ANKS1B: variants seen among roughly 807,000 people sequenced by gnomAD.
The protein encoded by ANKS1B is ankyrin repeat and sterile alpha motif domain-containing protein 1B.
A neutral mutation model predicts 148.3 loss-of-function variants in ANKS1B; 36 were observed. The observed-to-expected ratio is 0.24, with a 90% CI of 0.19 to 0.32. The LOEUF (loss-of-function observed/expected upper bound fraction) is 0.32. Among genes scored for constraint, ANKS1B ranks in the 10% least tolerant of loss-of-function variants. The pLI is 1.00. For synonymous variants in ANKS1B, 542 were observed against 560.8 expected (o/e 0.97, Z 0.47); for missense variants, 1,157 against 1,542.6 (o/e 0.75, Z 4.19).
chr12:99,631,913 C>T (rs958904913), intron 9 of ANKS1B, among the ~76,000 whole-genome samples: 1 of 152,066 alleles, frequency 6.6e-6, no homozygotes, highest in Non-Finnish European at 1.5e-5. Flanking sequence ...GCCCAGTGAC[C>T]ACTTGCAAAA....
intron 15 of ANKS1B, among the ~76,000 whole-genome samples, chr12:99,094,300 G>C (rs2055148015): frequency 6.6e-6 from 1 of 152,186 alleles, no homozygotes. Flanking sequence ...TACTGTATTA[G>C]TAGGGACTAT....
At chr12:98,747,670 A>G (rs1223808472) in intron 26 of ANKS1B, among the ~76,000 whole-genome samples, 1 of 152,266 alleles carries the variant, frequency 6.6e-6, no homozygotes, top group Non-Finnish European at 1.5e-5. Flanking sequence ...TTTATTGCAG[A>G]ATTATTCACA....
chr12:98,872,994 G>A (rs978777244), intron 17 of ANKS1B, among the ~76,000 whole-genome samples: 1 of 152,156 alleles, frequency 6.6e-6, no homozygotes, highest in East Asian at 1.9e-4. Flanking sequence ...GAGGATTTAG[G>A]ATAAGCTGAG....
At chr12:99,213,676 C>G (rs1293017914) in intron 14 of ANKS1B, among the ~76,000 whole-genome samples, 3 of 152,110 alleles carry the variant, frequency 2.0e-5, no homozygotes, top group African/African-American at 7.2e-5. Flanking sequence ...GTTAATGAAT[C>G]AAATAGAAAT....
At chr12:99,051,537 A>T (rs1195689277) in intron 17 of ANKS1B, among the ~76,000 whole-genome samples, 1 of 152,224 alleles carries the variant, frequency 6.6e-6, no homozygotes, top group East Asian at 1.9e-4. Context: ...ATGAGTAGCC[A>T]TGTGATGAGT....
intron 1 of ANKS1B, among the ~76,000 whole-genome samples, chr12:99,969,784 GC>G (rs2095536101): frequency 6.6e-6 from 1 of 152,170 alleles, no homozygotes; most frequent in Non-Finnish European, 1.5e-5. Flanking sequence ...GCACTAGGAA[GC>G]AATACAGCAC....
chr12:99,794,191 G>A (rs1365279874), intron 4 of ANKS1B, among the ~76,000 whole-genome samples: 3 of 151,906 alleles, frequency 2.0e-5, no homozygotes, highest in Admixed American at 2.0e-4. Context: ...GTGAGGATGT[G>A]AAAACAAGGG....
chr12:99,647,998 T>G (rs1212997365), intron 9 of ANKS1B: 4 of 795,818 alleles, frequency 5.0e-6, no homozygotes, highest in African/African-American at 1.7e-5. Flanking sequence ...CATTGAGCGG[T>G]TGGTAATCAA....
intron 11 of ANKS1B, among the ~76,000 whole-genome samples, chr12:99,435,464 C>T (rs1194601729): frequency 6.6e-6 from 1 of 152,038 alleles, no homozygotes; most frequent in Non-Finnish European, 1.5e-5. Flanking sequence ...TTGGGGATGA[C>T]ACAGAGAGTT....
At chr12:99,958,314 G>C (rs558100752) in intron 1 of ANKS1B, among the ~76,000 whole-genome samples, 1 of 152,310 alleles carries the variant, frequency 6.6e-6, no homozygotes, top group East Asian at 1.9e-4. Flanking sequence ...AACCACAAAA[G>C]GCCTCAAGTG....
chr12:99,448,523 T>G (rs1185156650), intron 10 of ANKS1B, among the ~76,000 whole-genome samples: 1 of 152,082 alleles, frequency 6.6e-6, no homozygotes, highest in Non-Finnish European at 1.5e-5. Context: ...GTGACTATAG[T>G]TAATAACAAT....
intron 24 of ANKS1B, among the ~76,000 whole-genome samples, chr12:98,779,527 T>C (rs774842152): frequency 6.6e-6 from 1 of 152,080 alleles, no homozygotes; most frequent in Non-Finnish European, 1.5e-5. Context: ...GTCAAATTCA[T>C]CCACTGAAAA....
intron 8 of ANKS1B, among the ~76,000 whole-genome samples, chr12:99,671,206 G>T (rs2098536606): frequency 6.6e-6 from 1 of 152,102 alleles, no homozygotes; most frequent in African/African-American, 2.4e-5. Context: ...GACTAGCACA[G>T]TTCAGGGCAC....
intron 9 of ANKS1B, among the ~76,000 whole-genome samples, chr12:99,565,799 G>C (rs374844912): frequency 1.2e-4 from 18 of 152,254 alleles, no homozygotes; most frequent in African/African-American, 4.3e-4. Context: ...AATTTCTCAA[G>C]AACTTTGTGG....
rs1211000759 is a variant in ANKS1B at position 98,863,311 on chromosome 12, C to A, written c.2779-31175G>T. ...GGGTTTTTCTGCAGCTCGGCTGGAT[C>A]CCAGCTTCTATGACCTCTGCTGCTA... On this transcript the variant is annotated intron_variant, in intron 17 of 26. Transcript: ENST00000683438. Among the ~76,000 whole-genome samples, 4 of 152,200 alleles carry A rather than the reference C, an allele frequency of 2.6e-5. No homozygotes were observed. In the East Asian group the frequency reaches 5.8e-4, roughly 22 times the overall value.
At chr12:99,543,125 T>C (rs1362823637) in intron 9 of ANKS1B, among the ~76,000 whole-genome samples, 1 of 152,022 alleles carries the variant, frequency 6.6e-6, no homozygotes, top group Non-Finnish European at 1.5e-5. Context: ...AACTCATAAT[T>C]AACAATAAAA....
intron 13 of ANKS1B, 105 bp from the exon 14 acceptor site, chr12:99,244,519 CCA>C (rs2089947855): frequency 3.3e-6 from 2 of 600,644 alleles, no homozygotes; most frequent in Middle Eastern, 4.2e-4. Context: ...GATGTTATTA[CCA>C]CAGTGTTCCA....
chr12:99,498,822 C>T (rs2096628747), intron 10 of ANKS1B, among the ~76,000 whole-genome samples: 1 of 152,032 alleles, frequency 6.6e-6, no homozygotes, highest in African/African-American at 2.4e-5. Flanking sequence ...CCTTTACTCA[C>T]TAAAGAATTT....
intron 10 of ANKS1B, among the ~76,000 whole-genome samples, chr12:99,497,158 T>C (rs1027985655): frequency 6.6e-6 from 1 of 152,202 alleles, no homozygotes. Context: ...TGTTTACATA[T>C]AACCTATTCA....
Sources: gnomAD v4.1 joint callset for allele counts (sites outside exome capture counted in the v4.1 genomes callset) on GRCh38, gnomAD v4.1.1 for gene constraint, MANE v1.5 for transcripts, NCBI Gene and HGNC (gene_info 2026-07-23, HGNC 2026-07-21) for gene names.